The following NFAT5 variants were observed in gnomAD, a reference collection of about 807,000 sequenced individuals.
The protein encoded by NFAT5 is nuclear factor of activated T-cells 5.
In NFAT5, 31 loss-of-function variants were observed where a neutral mutation model predicts 166.5. That is an observed-to-expected ratio of 0.19 (90% CI 0.14 to 0.25). The LOEUF (loss-of-function observed/expected upper bound fraction) is 0.25. Ranked by LOEUF, NFAT5 falls within the 10% of genes least tolerant of loss-of-function variation. The pLI, the probability that NFAT5 is intolerant of heterozygous loss-of-function variation, is 1.00. For synonymous variants in NFAT5, 612 were observed against 639.7 expected, an observed-to-expected ratio of 0.96 and a Z score of 0.65; for missense variants, 1,449 against 1,821.8, an observed-to-expected ratio of 0.80 and a Z score of 3.72.
intron 3 of NFAT5, among the ~76,000 whole-genome samples, chr16:69,643,173 G>A (rs1361030710): frequency 1.3e-5 from 2 of 148,330 alleles, no homozygotes; most frequent in Admixed American, 6.8e-5. Context: ...AGCCGAGATC[G>A]CGCCACTGCA....
Position 69,651,632 on chromosome 16 carries a change from G to C in NFAT5, c.813-1604G>C, listed in dbSNP as rs555274783. ...AACTTAGGACTAGGAGGGTCACAGAGAAAGCTATGACCCTGACTTTATTTA... is the reference window on the plus strand; with the variant it reads ...AACTTAGGACTAGGAGGGTCACAGACAAAGCTATGACCCTGACTTTATTTA... On this transcript the variant is annotated intron_variant, in intron 4 of 14. Transcript: ENST00000349945. Among the ~76,000 whole-genome samples the C allele has an allele frequency of 1.3e-3, 202 of 151,904 alleles. 1 individual carries two copies. The highest frequency in any genetic ancestry group is 6.2e-3 in the South Asian group (30 of 4,810).
intron 4 of NFAT5, chr16:69,648,235 C>T: frequency 1.0e-6 from 1 of 984,814 alleles, no homozygotes; most frequent in Non-Finnish European, 1.2e-6. Context: ...TGACTCCATC[C>T]AAAACAACTC....
rs1207238300 is a variant in NFAT5 at position 69,696,918 on chromosome 16, T to G, written c.*567T>G. 3 of 152,622 alleles carry G rather than the reference T, an allele frequency of 2.0e-5. No individual in the cohort carries two copies. The highest frequency in any genetic ancestry group is 4.4e-5 in the Non-Finnish European group (3 of 68,036). 9.5% of individuals were successfully genotyped at this position (152,622 alleles called of 1,614,324 possible). A position where few individuals can be genotyped will look rare whatever the true frequency, so the allele number is the denominator to read the frequency against. On this transcript the variant is annotated 3_prime_UTR_variant, in exon 15 of 15. Transcript: ENST00000349945. ...CTAACAAGTAAACTGTATGTGCAGA[T>G]AAAAGTACTCTTGATTTAACACAAA...
At chr16:69,567,240 T>C (rs2016120921) in intron 1 of NFAT5, among the ~76,000 whole-genome samples, 1 of 152,234 alleles carries the variant, frequency 6.6e-6, no homozygotes, top group Non-Finnish European at 1.5e-5. Context: ...ATTTAAGAAC[T>C]CTTTTGGCTA....
intron 4 of NFAT5, among the ~76,000 whole-genome samples, chr16:69,651,671 ATT>A (rs5817673): frequency 2.1e-5 from 3 of 142,938 alleles, no homozygotes; most frequent in African/African-American, 2.6e-5. Flanking sequence ...ACATACGTGA[ATT>A]TTTTTTTTTT....
chr16:69,678,275 C>T (rs189569675), intron 10 of NFAT5, among the ~76,000 whole-genome samples: 6,664 of 151,228 alleles, frequency 0.044, 501 homozygotes, highest in African/African-American at 0.15. Flanking sequence ...AGTGCAATGG[C>T]GCGATCTTGG....
rs773196357 is a variant in NFAT5, at chr16:69,600,760, G to GGA, written c.128-25643_128-25642insGA. Reference sequence around the variant, plus strand: ...GAGTAAAGCTGATAAGGAATACTTTGAAAAAAAAAAAAAAAAAAAGGCTCC... The same window carrying GGA: ...GAGTAAAGCTGATAAGGAATACTTTGGAAAAAAAAAAAAAAAAAAAAGGCTCC... On this transcript the variant is annotated intron_variant, in intron 2 of 14. Coordinates refer to ENST00000349945, the MANE Select transcript of NFAT5 (RefSeq NM_138713.4). Among the ~76,000 whole-genome samples, 7 of 101,374 alleles carry GGA rather than the reference G, an allele frequency of 6.9e-5. No homozygotes were observed. The East Asian group carries it at 1.5e-3, about 22-fold the overall frequency. 66.5% of individuals were successfully genotyped at this position (101,374 alleles called of 152,430 possible).
rs1263536063 is a variant in NFAT5, at chr16:69,662,278, A to G, written c.1369+2379A>G. On this transcript the variant is annotated intron_variant, in intron 7 of 14. Transcript: ENST00000349945. ...AATGGGATTTACTTGAAAAATTTTC[A>G]TATCTACCCTTCTGTAGTAATTCTG... Among the ~76,000 whole-genome samples, 6 of 152,198 alleles carry G rather than the reference A, an allele frequency of 3.9e-5. 1 individual carries two copies. The highest frequency in any genetic ancestry group is 8.8e-5 in the Non-Finnish European group (6 of 68,022).
intron 2 of NFAT5, among the ~76,000 whole-genome samples, chr16:69,571,060 G>A (rs931468325): frequency 6.8e-6 from 1 of 147,822 alleles, no homozygotes; most frequent in African/African-American, 2.5e-5. Flanking sequence ...GAACTCCTGA[G>A]GTGGGCATAT....
chr16:69,668,446 C>T (rs1178709472), intron 7 of NFAT5, among the ~76,000 whole-genome samples: 3 of 152,120 alleles, frequency 2.0e-5, no homozygotes, highest in Non-Finnish European at 4.4e-5. Flanking sequence ...AATTTCTTTG[C>T]ATATACATAA....
chr16:69,602,557 G>A (rs752264002), intron 2 of NFAT5, among the ~76,000 whole-genome samples: 2 of 150,304 alleles, frequency 1.3e-5, no homozygotes, highest in South Asian at 2.1e-4. Flanking sequence ...ATGAGCCACC[G>A]TGCCCAGACT....
intron 7 of NFAT5, among the ~76,000 whole-genome samples, chr16:69,669,574 AG>A (rs1427016325): frequency 6.6e-6 from 1 of 152,176 alleles, no homozygotes; most frequent in African/African-American, 2.4e-5. Context: ...TTTTTGGATT[AG>A]GGATGCTCAA....
intron 2 of NFAT5, among the ~76,000 whole-genome samples, chr16:69,589,537 C>CA (rs1291523688): frequency 1.3e-5 from 2 of 151,414 alleles, no homozygotes; most frequent in African/African-American, 4.9e-5. Context: ...AATAAGAGGG[C>CA]AAAAAAAATT....
chr16:69,601,528 C>T (rs1459022957), intron 2 of NFAT5, among the ~76,000 whole-genome samples: 2 of 152,080 alleles, frequency 1.3e-5, no homozygotes, highest in East Asian at 1.9e-4. Context: ...CCACCATGCT[C>T]GGCTAATATT....
In NFAT5 at chr16:69,579,949, G is replaced by T. The variant is rs28535427; in HGVS notation, c.127+11401G>T. Among the ~76,000 whole-genome samples, 288 of 152,254 alleles carry T rather than the reference G, an allele frequency of 1.9e-3. 3 individuals carry two copies. The highest frequency in any genetic ancestry group is 6.5e-3 in the African/African-American group (270 of 41,558). On this transcript the variant is annotated intron_variant, in intron 2 of 14. Transcript: ENST00000349945. ...ATATTTCTAAAGCATTTGGAATAGT[G>T]CTTGACACATAGTAAGTGCTATATG...
intron 4 of NFAT5, chr16:69,648,495 T>A (rs1335089249): frequency 7.1e-6 from 7 of 985,168 alleles, no homozygotes; most frequent in African/African-American, 1.7e-5. Flanking sequence ...CTGGGTTACT[T>A]ATTTAGAGGG....
At chr16:69,672,195 T>C (rs976314328) in intron 9 of NFAT5, among the ~76,000 whole-genome samples, 14 of 152,238 alleles carry the variant, frequency 9.2e-5, no homozygotes, top group African/African-American at 2.2e-4. Flanking sequence ...TCTGGCCTTA[T>C]GCAACTACAT....
intron 6 of NFAT5, among the ~76,000 whole-genome samples, chr16:69,657,327 A>G (rs1433983264): frequency 6.6e-6 from 1 of 151,628 alleles, no homozygotes; most frequent in Non-Finnish European, 1.5e-5. Flanking sequence ...ACGGGGTTTC[A>G]CTGTGTAGGT....
chr16:69,591,935 A>T (rs558385501), intron 2 of NFAT5, among the ~76,000 whole-genome samples: 9 of 151,668 alleles, frequency 5.9e-5, no homozygotes, highest in African/African-American at 1.9e-4. Context: ...GTCTTGATTT[A>T]AAAAAAAATT....
Sources: gnomAD v4.1 joint callset for allele counts (sites outside exome capture counted in the v4.1 genomes callset) on GRCh38, gnomAD v4.1.1 for gene constraint, MANE v1.5 for transcripts, NCBI Gene and HGNC (gene_info 2026-07-23, HGNC 2026-07-21) for gene names.